SLC9A8: variants seen among roughly 807,000 people sequenced by gnomAD.
SLC9A8 encodes solute carrier family 9 member A8, also known as sodium/hydrogen exchanger 8.
SLC9A8 carries 48 observed loss-of-function variants against 66.6 expected under a neutral mutation model. That is an observed-to-expected ratio of 0.72 (90% confidence interval 0.57 to 0.92). The LOEUF (loss-of-function observed/expected upper bound fraction) is 0.92, where lower values mean the gene tolerates loss of function less well. SLC9A8 is among the 40% of genes least tolerant of loss of function. The pLI is 0.00. For missense variants in SLC9A8, 599 were observed against 747.3 expected (o/e 0.80, Z 2.31); for synonymous variants, 274 against 282.6 (o/e 0.97, Z 0.31).
chr20:49,881,130 A>G (rs2089612054), intron 13 of SLC9A8, 95 bp downstream of exon 13: 1 of 852,676 alleles, frequency 1.2e-6, no homozygotes, highest in Non-Finnish European at 2.0e-6. Context: ...CGCCCTTGGC[A>G]AAACCACAAG....
At chr20:49,872,706 T>C (rs758839948) in intron 10 of SLC9A8, among the ~76,000 whole-genome samples, 10 of 152,202 alleles carry the variant, frequency 6.6e-5, no homozygotes, top group South Asian at 2.1e-4. Flanking sequence ...AGGCTGGTCT[T>C]GAATTCCTGA....
intron 7 of SLC9A8, among the ~76,000 whole-genome samples, chr20:49,851,214 G>GGA (rs2088237122): frequency 6.6e-6 from 1 of 152,208 alleles, no homozygotes; most frequent in South Asian, 2.1e-4. Context: ...GATTAGAGAT[G>GGA]GAGAGGGGGA....
intron 13 of SLC9A8, among the ~76,000 whole-genome samples, chr20:49,881,355 G>A (rs534970517): frequency 2.0e-5 from 3 of 152,174 alleles, no homozygotes; most frequent in Middle Eastern, 3.2e-3. Context: ...CCTCCCTGGG[G>A]GTCTTCTAGG....
At chr20:49,813,852 A>C (rs1038684708) in intron 1 of SLC9A8, among the ~76,000 whole-genome samples, 2 of 151,922 alleles carry the variant, frequency 1.3e-5, no homozygotes, top group Admixed American at 1.3e-4. Flanking sequence ...GTGTGTAGAG[A>C]GGAAGGGGGT....
In SLC9A8 at chr20:49,890,168, A is replaced by C. The variant is rs2090009512; in HGVS notation, c.*2232A>C. 1 of 152,240 alleles carries C rather than the reference A, an allele frequency of 6.6e-6. No individual in the cohort carries two copies. The highest frequency in any genetic ancestry group is 2.4e-5 in the African/African-American group (1 of 41,446). The allele number at this position is 152,240 out of a possible 1,614,324, so 9.4% of individuals were successfully genotyped here. ...GAGCCTCTTCTGCCCCCTGTCGGCC[A>C]GGTGAGGTCAGCAGCCTGGGAGAGT... On this transcript the variant is annotated 3_prime_UTR_variant, in exon 16 of 16. Coordinates refer to ENST00000361573, the MANE Select transcript of SLC9A8 (RefSeq NM_015266.3).
chr20:49,814,658 G>T (rs1448877254), intron 1 of SLC9A8, among the ~76,000 whole-genome samples: 2 of 152,174 alleles, frequency 1.3e-5, no homozygotes, highest in Non-Finnish European at 2.9e-5. Context: ...AGAAACAAAG[G>T]TGCTAAGTAA....
Position 49,873,767 on chromosome 20 carries a change from G to A in SLC9A8, c.959-938G>A, listed in dbSNP as rs1298586268. On this transcript the variant is annotated intron_variant, in intron 10 of 15. Transcript: ENST00000361573. ...GCCTGGGCAAAAAGACTGAAACTCC[G>A]TCTCAAAAAAAAAAAAAAAAAAAAA... is the stretch of plus-strand genomic sequence containing the variant. Among the ~76,000 whole-genome samples the A allele has an allele frequency of 2.0e-3, 151 of 73,984 alleles. 4 individuals carry two copies. Among genetic ancestry groups the A allele is most frequent in the Admixed American group, 1.8e-3 (10 of 5,524 alleles). 48.5% of individuals were successfully genotyped at this position (73,984 alleles called of 152,430 possible).
intron 3 of SLC9A8, among the ~76,000 whole-genome samples, chr20:49,834,388 G>GTATATATATATACTGTA (rs2087409705): frequency 1.7e-5 from 1 of 58,846 alleles, no homozygotes; most frequent in Non-Finnish European, 3.0e-5. Context: ...TATATACTGT[G>GTATATATATATACTGTA]TATATATATA....
Position 49,836,392 on chromosome 20 carries a change from G to A in SLC9A8, c.290-3149G>A, listed in dbSNP as rs549509351. On this transcript the variant is annotated intron_variant, in intron 3 of 15. Coordinates refer to ENST00000361573, the MANE Select transcript of SLC9A8 (RefSeq NM_015266.3). Reference sequence around the variant, plus strand: ...TTTGTCACCCAGGCCGGAGTGCAGTGGCGCAATCTCGGCCTACTGCAACCG... The same window carrying A: ...TTTGTCACCCAGGCCGGAGTGCAGTAGCGCAATCTCGGCCTACTGCAACCG... 1.8e-4 allele frequency among the ~76,000 whole-genome samples: 28 copies of A among 152,236 alleles called. 2 individuals carry two copies. In the South Asian group the frequency reaches 5.2e-3, roughly 28 times the overall value.
intron 14 of SLC9A8, among the ~76,000 whole-genome samples, chr20:49,885,655 C>T (rs541973093): frequency 1.3e-5 from 2 of 152,340 alleles, no homozygotes; most frequent in South Asian, 4.1e-4. Flanking sequence ...GAGGATGAAC[C>T]GCTGAGTTTC....
chr20:49,882,391 A>G (rs1482498118), intron 13 of SLC9A8, among the ~76,000 whole-genome samples: 1 of 149,284 alleles, frequency 6.7e-6, no homozygotes, highest in African/African-American at 2.5e-5. Flanking sequence ...GGACCACTTC[A>G]CTCTCTTCCC....
chr20:49,812,929 G>C lies in SLC9A8; in HGVS notation c.7G>C (p.Glu3Gln), dbSNP rs1465624772. 3 of 1,480,740 alleles carry C rather than the reference G, an allele frequency of 2.0e-6. No homozygotes were observed. The highest frequency in any genetic ancestry group is 1.8e-6 in the Non-Finnish European group (2 of 1,116,716). The allele number at this position is 1,480,740 out of a possible 1,614,324, so 91.7% of individuals were successfully genotyped here. A position where few individuals can be genotyped will look rare whatever the true frequency, so the allele number is the denominator to read the frequency against. The change falls in exon 1 of 16, where the codon GAG (glutamate) becomes CAG (glutamine). Residue 3 changes from glutamate (E) to glutamine (Q), a missense_variant. Physicochemically the swap from Glu to Gln is conservative, Grantham distance 29. Transcript: ENST00000361573. ...GTCCTGGAAGCTCCGCAGGATGGGG[G>C]AGAAGATGGCGGAAGAGGAGTGAGT... MG[E>Q]KMAEEERFPN... is the part of the protein sequence containing the mutation.
intron 3 of SLC9A8, among the ~76,000 whole-genome samples, chr20:49,834,753 CT>C (rs2087463312): frequency 6.6e-6 from 1 of 151,978 alleles, no homozygotes; most frequent in Non-Finnish European, 1.5e-5. Flanking sequence ...AGAATAATTA[CT>C]GATTTTCAAA....
At chr20:49,885,386 C>T (rs955594291) in intron 14 of SLC9A8, among the ~76,000 whole-genome samples, 5 of 152,144 alleles carry the variant, frequency 3.3e-5, no homozygotes, top group East Asian at 1.9e-4. Flanking sequence ...AGTGCAGTGG[C>T]GTGATCGTGG....
At chr20:49,877,817 A>T (rs1470855602) in intron 11 of SLC9A8, among the ~76,000 whole-genome samples, 164 bp from the exon 12 acceptor site, 1 of 152,252 alleles carries the variant, frequency 6.6e-6, no homozygotes, top group Admixed American at 6.5e-5. Flanking sequence ...GAATGAGAGA[A>T]TTTAAGCACA....
chr20:49,860,881 A>G (rs2088702350), intron 8 of SLC9A8, among the ~76,000 whole-genome samples: 1 of 152,228 alleles, frequency 6.6e-6, no homozygotes, highest in Non-Finnish European at 1.5e-5. Flanking sequence ...GACATAAGGC[A>G]GCGAACAAGA....
intron 2 of SLC9A8, among the ~76,000 whole-genome samples, chr20:49,822,192 G>A (rs6020070): frequency 2.0e-5 from 3 of 152,318 alleles, no homozygotes; most frequent in Non-Finnish European, 4.4e-5. Flanking sequence ...CTGGGGAGCA[G>A]GAGTGTTCCA....
In SLC9A8 at chr20:49,862,987, T is replaced by G; in HGVS notation, c.772T>G (p.Leu258Val). ...MSDVSGWQTF[L>V]QALDYFLKMF... ...AGATGTCAGTGGGTGGCAAACATTT[T>G]TACAAGCCCTTGACTACTTCCTCAA... Residue 258 changes from leucine (L) to valine (V), a missense_variant, in exon 9 of 16, where the codon TTA becomes GTA. Around this residue, in one of 2 missense-constraint regions of SLC9A8, gnomAD observed 467 missense variants for 626.5 expected, o/e 0.75. Coordinates refer to ENST00000361573, the MANE Select transcript of SLC9A8 (RefSeq NM_015266.3). The G allele has an allele frequency of 6.2e-7, 1 of 1,613,952 alleles. No individual in the cohort carries two copies. The highest frequency in any genetic ancestry group is 1.1e-5 in the South Asian group (1 of 91,076).
chr20:49,834,777 A>G (rs2087464018), intron 3 of SLC9A8, among the ~76,000 whole-genome samples: 1 of 152,182 alleles, frequency 6.6e-6, no homozygotes, highest in Non-Finnish European at 1.5e-5. Context: ...TAACTGCTTC[A>G]TGTGTGATTA....
Sources: gnomAD v4.1 joint callset for allele counts (sites outside exome capture counted in the v4.1 genomes callset) on GRCh38, gnomAD v4.1.1 for gene constraint, gnomAD v4.1.1 regional missense constraint, MANE v1.5 for transcripts, NCBI Gene and HGNC (gene_info 2026-07-23, HGNC 2026-07-21) for gene names.